NTM: variants seen among roughly 807,000 people sequenced by gnomAD.
The protein encoded by NTM is neurotrimin.
NTM carries 13 observed loss-of-function variants against 42.1 expected under a neutral mutation model. The ratio of observed to expected loss-of-function variants is 0.31; its 90% CI spans 0.20 to 0.49. NTM has a LOEUF of 0.49. Among genes scored for constraint, NTM ranks in the 20% least tolerant of loss-of-function variants. The pLI is 0.99. For missense variants in NTM, 373 were observed against 452.8 expected, an observed-to-expected ratio of 0.82 and a Z score of 1.60; for synonymous variants, 187 against 179.2, an observed-to-expected ratio of 1.04 and a Z score of -0.35.
intron 1 of NTM, among the ~76,000 whole-genome samples, chr11:131,437,418 T>C (rs1949237572): frequency 6.6e-6 from 1 of 152,208 alleles, no homozygotes; most frequent in Admixed American, 6.5e-5. Context: ...TGTGGGAGTC[T>C]AAGTCTCTTA....
chr11:131,816,629 C>G (rs1243857679), intron 1 of NTM, among the ~76,000 whole-genome samples: 1 of 152,054 alleles, frequency 6.6e-6, no homozygotes, highest in African/African-American at 2.4e-5. Context: ...AGACCTGTCC[C>G]CAAATCGTAC....
chr11:132,174,066 G>A (rs183963551), intron 3 of NTM, among the ~76,000 whole-genome samples: 137 of 152,214 alleles, frequency 9.0e-4, no homozygotes, highest in Middle Eastern at 3.4e-3. Flanking sequence ...TGCCTTCAAC[G>A]GAGGGAAGCA....
chr11:131,483,794 G>C (rs1370911522), intron 1 of NTM, among the ~76,000 whole-genome samples: 1 of 152,240 alleles, frequency 6.6e-6, no homozygotes, highest in South Asian at 2.1e-4. Flanking sequence ...CAACAAAAGG[G>C]CAGTGGGGGA....
chr11:131,918,367 G>A (rs1270702852), intron 2 of NTM, among the ~76,000 whole-genome samples: 2 of 152,128 alleles, frequency 1.3e-5, no homozygotes, highest in African/African-American at 2.4e-5. Flanking sequence ...CACACCTTGC[G>A]TTCTTATGCT....
At chr11:132,323,183 G>A (rs1186578475) in intron 7 of NTM, among the ~76,000 whole-genome samples, 5 of 146,554 alleles carry the variant, frequency 3.4e-5, no homozygotes, top group African/African-American at 1.3e-4. Context: ...TAAAATCAGA[G>A]CAGAACTGAA....
intron 2 of NTM, among the ~76,000 whole-genome samples, chr11:132,114,060 T>G (rs2063566926): frequency 6.6e-6 from 1 of 152,200 alleles, no homozygotes; most frequent in African/African-American, 2.4e-5. Context: ...ATCAACAAAT[T>G]TTTCTCTTTC....
At chr11:131,793,803 G>A (rs1396995196) in intron 1 of NTM, among the ~76,000 whole-genome samples, 3 of 152,172 alleles carry the variant, frequency 2.0e-5, no homozygotes, top group Admixed American at 6.5e-5. Context: ...GCCTGTGCAT[G>A]GATCTGAGCA....
intron 4 of NTM, among the ~76,000 whole-genome samples, chr11:132,269,657 G>T (rs940441089): frequency 2.6e-5 from 4 of 152,228 alleles, no homozygotes; most frequent in Admixed American, 6.5e-5. Flanking sequence ...CTTCAATTCA[G>T]TGTTCTCTTC....
At chr11:132,069,305 A>G (rs2057033818) in intron 2 of NTM, among the ~76,000 whole-genome samples, 1 of 150,104 alleles carries the variant, frequency 6.7e-6, no homozygotes, top group African/African-American at 2.5e-5. Flanking sequence ...AACACGTCAC[A>G]CTGACCATCA....
intron 2 of NTM, among the ~76,000 whole-genome samples, chr11:131,972,732 A>G (rs1158888007): frequency 2.0e-5 from 3 of 152,074 alleles, no homozygotes; most frequent in Non-Finnish European, 4.4e-5. Flanking sequence ...CTCAATAACC[A>G]CCCTGGAACA....
intron 1 of NTM, among the ~76,000 whole-genome samples, chr11:131,487,767 C>CTG (rs535712569): frequency 1.1e-3 from 161 of 152,258 alleles, no homozygotes; most frequent in African/African-American, 3.8e-3. Context: ...TGTTTTGGAG[C>CTG]TGAGGGGAAG....
chr11:131,673,491 G>GTCTTTCT (rs1234142839), intron 1 of NTM, among the ~76,000 whole-genome samples: 4 of 152,222 alleles, frequency 2.6e-5, no homozygotes, highest in Non-Finnish European at 5.9e-5. Flanking sequence ...CAGTGTGTGT[G>GTCTTTCT]TCTTTCTTCT....
chr11:131,710,594 T>C (rs1253440680), intron 1 of NTM, among the ~76,000 whole-genome samples: 1 of 152,182 alleles, frequency 6.6e-6, no homozygotes, highest in African/African-American at 2.4e-5. Context: ...AATTCACTAA[T>C]GGAGTGGTTT....
intron 3 of NTM, among the ~76,000 whole-genome samples, chr11:132,205,268 C>T (rs1183614528): frequency 6.6e-6 from 1 of 152,106 alleles, no homozygotes; most frequent in Non-Finnish European, 1.5e-5. Context: ...ATTCTCAGCC[C>T]CACAGGACTG....
intron 1 of NTM, among the ~76,000 whole-genome samples, chr11:131,848,508 T>G (rs2045183719): frequency 6.6e-6 from 1 of 152,224 alleles, no homozygotes; most frequent in Admixed American, 6.5e-5. Context: ...ATGGATATTA[T>G]TACAGAGAAC....
chr11:132,210,272 C>T (rs2082632711), intron 3 of NTM, among the ~76,000 whole-genome samples: 1 of 152,114 alleles, frequency 6.6e-6, no homozygotes, highest in African/African-American at 2.4e-5. Context: ...GGAGGGGACA[C>T]TTAACTTGCC....
intron 2 of NTM, among the ~76,000 whole-genome samples, chr11:132,012,159 G>A (rs559498252): frequency 7.9e-5 from 12 of 152,172 alleles, no homozygotes; most frequent in South Asian, 2.1e-4. Context: ...GGATAGGGTC[G>A]GGGAAGAAAG....
intron 1 of NTM, among the ~76,000 whole-genome samples, chr11:131,374,444 T>G (rs946034818): frequency 6.6e-6 from 1 of 152,190 alleles, no homozygotes; most frequent in Non-Finnish European, 1.5e-5. Context: ...ATTCTTCCCT[T>G]TTTTGGTTCC....
At chr11:131,645,826 TG>T (rs2065709053) in intron 1 of NTM, among the ~76,000 whole-genome samples, 1 of 152,170 alleles carries the variant, frequency 6.6e-6, no homozygotes, top group Non-Finnish European at 1.5e-5. Flanking sequence ...ATGGAGCATA[TG>T]GAATGGATGC....
Sources: allele counts gnomAD v4.1 joint callset (sites outside exome capture counted in the v4.1 genomes callset), GRCh38; gene constraint gnomAD v4.1.1; transcripts MANE v1.5; gene names NCBI Gene and HGNC (gene_info 2026-07-23, HGNC 2026-07-21).